The following VWC2L variants were observed in gnomAD, a reference collection of about 807,000 sequenced individuals.
VWC2L encodes von Willebrand factor C domain containing 2 like.
In VWC2L, 10 loss-of-function variants were observed where a neutral mutation model predicts 21.6. The ratio of observed to expected loss-of-function variants is 0.46; its 90% CI spans 0.29 to 0.78. The LOEUF is 0.78. Ranked by LOEUF, VWC2L falls within the 30% of genes least tolerant of loss-of-function variation. The probability of loss-of-function intolerance (pLI) is 0.10; values close to 1 mark genes in which losing one functional copy is unlikely to be tolerated. For synonymous variants in VWC2L, 96 were observed against 94.3 expected (o/e 1.02, Z -0.10); for missense variants, 209 against 277.1 (o/e 0.75, Z 1.74).
At chr2:214,558,091 G>A (rs756363033) in intron 3 of VWC2L, among the ~76,000 whole-genome samples, 3 of 152,078 alleles carry the variant, frequency 2.0e-5, no homozygotes, top group African/African-American at 4.8e-5. Flanking sequence ...TTATCTCCAC[G>A]CCCATCTCAG....
chr2:214,558,688 A>T (rs1264497559), intron 3 of VWC2L, among the ~76,000 whole-genome samples: 1 of 152,162 alleles, frequency 6.6e-6, no homozygotes, highest in African/African-American at 2.4e-5. Context: ...CTAGCAACAC[A>T]GCCCCTGCCT....
intron 3 of VWC2L, among the ~76,000 whole-genome samples, chr2:214,482,613 A>G (rs2126197565): frequency 6.7e-6 from 1 of 150,030 alleles, no homozygotes; most frequent in South Asian, 2.1e-4. Context: ...GTTTGAAGAG[A>G]GAGAAAAAAA....
chr2:214,489,839 A>G (rs1688721510), intron 3 of VWC2L, among the ~76,000 whole-genome samples: 1 of 152,198 alleles, frequency 6.6e-6, no homozygotes. Flanking sequence ...ATCTATTTTT[A>G]ATATGTGGCT....
At position 214,558,825 on chromosome 2, in the gene VWC2L, T is replaced by A. The variant is rs74530337; in HGVS notation, c.521-16847T>A. Among the ~76,000 whole-genome samples, 27 of 152,018 alleles carry A rather than the reference T, an allele frequency of 1.8e-4. No homozygotes were observed. In the East Asian group the frequency reaches 3.9e-3, roughly 22 times the overall value. ...CAACTATAGTTTTGTTTTTTTTTTT[T>A]AAATTTATGCTTTAAAATTTTCCCT... On this transcript the variant is annotated intron_variant, in intron 3 of 3. Coordinates refer to ENST00000312504, the MANE Select transcript of VWC2L (RefSeq NM_001080500.4).
chr2:214,489,505 A>G (rs1688717237), intron 3 of VWC2L, among the ~76,000 whole-genome samples: 1 of 152,198 alleles, frequency 6.6e-6, no homozygotes, highest in South Asian at 2.1e-4. Context: ...GATTTTAAAT[A>G]TGTTAAATTA....
chr2:214,430,706 C>T (rs1416555965), intron 2 of VWC2L, among the ~76,000 whole-genome samples: 1 of 152,102 alleles, frequency 6.6e-6, no homozygotes, highest in Non-Finnish European at 1.5e-5. Context: ...AAATATACTC[C>T]AGAATGTATT....
rs551880503 is a variant in VWC2L at position 214,478,856 on chromosome 2, C to A, written c.520+42098C>A. Among the ~76,000 whole-genome samples, 31 of 152,284 alleles carry A rather than the reference C, an allele frequency of 2.0e-4. No individual in the cohort carries two copies. In the Middle Eastern group the frequency reaches 0.01, roughly 50 times the overall value. On this transcript the variant is annotated intron_variant, in intron 3 of 3. Coordinates refer to ENST00000312504, the MANE Select transcript of VWC2L (RefSeq NM_001080500.4). ...TCCCCTGTCCCTAGTCCCTAGGCTG[C>A]CTTACCTTTCCCAGGTAGAGGCCAG...
At chr2:214,516,737 A>G (rs1689150250) in intron 3 of VWC2L, among the ~76,000 whole-genome samples, 1 of 152,060 alleles carries the variant, frequency 6.6e-6, no homozygotes, top group Admixed American at 6.6e-5. Context: ...CTTTACCAAC[A>G]AGAGGCAAGG....
intron 3 of VWC2L, among the ~76,000 whole-genome samples, chr2:214,507,810 C>T (rs554098582): frequency 1.3e-5 from 2 of 152,272 alleles, no homozygotes; most frequent in Admixed American, 1.3e-4. Flanking sequence ...CTAGATGGCA[C>T]ATAGCCTGCT....
chr2:214,526,854 G>C (rs1689347200), intron 3 of VWC2L, among the ~76,000 whole-genome samples: 1 of 152,140 alleles, frequency 6.6e-6, no homozygotes. Flanking sequence ...TCCCATTACT[G>C]CATATATAAC....
chr2:214,440,890 G>T (rs952538011), intron 3 of VWC2L, among the ~76,000 whole-genome samples: 1 of 152,072 alleles, frequency 6.6e-6, no homozygotes, highest in African/African-American at 2.4e-5. Flanking sequence ...TCATTAGCTG[G>T]TTTGTCAGTG....
intron 2 of VWC2L, among the ~76,000 whole-genome samples, chr2:214,431,766 C>T (rs1702604211): frequency 6.6e-6 from 1 of 152,186 alleles, no homozygotes; most frequent in African/African-American, 2.4e-5. Flanking sequence ...AATTGATACA[C>T]ATTATAAAAT....
intron 3 of VWC2L, among the ~76,000 whole-genome samples, chr2:214,560,741 C>T (rs972524942): frequency 1.3e-5 from 2 of 152,102 alleles, no homozygotes; most frequent in African/African-American, 4.8e-5. Context: ...CATTAAAGCA[C>T]CCAAAATGGT....
intron 3 of VWC2L, among the ~76,000 whole-genome samples, chr2:214,442,851 A>C (rs1441753928): frequency 6.6e-6 from 1 of 152,184 alleles, no homozygotes; most frequent in Non-Finnish European, 1.5e-5. Flanking sequence ...TCTTAAATAA[A>C]ATACCATTAC....
At chr2:214,426,944 G>C in intron 2 of VWC2L, among the ~76,000 whole-genome samples, 1 of 152,130 alleles carries the variant, frequency 6.6e-6, no homozygotes, top group East Asian at 1.9e-4. Flanking sequence ...ATTTTAAAAA[G>C]CTCCCACTGT....
chr2:214,454,746 G>A (rs1268151752), intron 3 of VWC2L, among the ~76,000 whole-genome samples: 3 of 151,518 alleles, frequency 2.0e-5, no homozygotes, highest in East Asian at 1.9e-4. Context: ...GGGACTACAG[G>A]CGCCTGCCAC....
chr2:214,561,784 T>TTATATATATATATATATA lies in VWC2L; in HGVS notation c.521-13879_521-13862dup, dbSNP rs67223012. ...GAGTAATACCTTATCTCAAAAAAAA[T>TTATATATATATATATATA]TATATATATATATATATATATATAT... On this transcript the variant is annotated intron_variant, in intron 3 of 3. Transcript: ENST00000312504. Among the ~76,000 whole-genome samples the TTATATATATATATATATA allele has an allele frequency of 3.9e-3, 499 of 128,248 alleles. 1 individual carries two copies. The highest frequency in any genetic ancestry group is 0.012 in the Middle Eastern group (3 of 244). The allele number at this position is 128,248 out of a possible 152,430, so 84.1% of individuals were successfully genotyped here.
At chr2:214,557,506 G>A (rs1044875004) in intron 3 of VWC2L, among the ~76,000 whole-genome samples, 2 of 152,100 alleles carry the variant, frequency 1.3e-5, no homozygotes, top group Non-Finnish European at 2.9e-5. Flanking sequence ...TGATGGGAAA[G>A]ACCACACAAG....
chr2:214,541,018 A>T (rs1044418729), intron 3 of VWC2L, among the ~76,000 whole-genome samples: 1 of 152,102 alleles, frequency 6.6e-6, no homozygotes, highest in Non-Finnish European at 1.5e-5. Flanking sequence ...ATGCTAGTTA[A>T]TTGTTAATAC....
Sources: gnomAD v4.1 joint callset for allele counts (sites outside exome capture counted in the v4.1 genomes callset) on GRCh38, gnomAD v4.1.1 for gene constraint, MANE v1.5 for transcripts, NCBI Gene and HGNC (gene_info 2026-07-23, HGNC 2026-07-21) for gene names.